GPATCH2: variants seen among roughly 807,000 people sequenced by gnomAD.
GPATCH2 encodes G patch domain-containing protein 2.
A neutral mutation model predicts 58.0 loss-of-function variants in GPATCH2; 51 were observed. That is an observed-to-expected ratio of 0.88 (90% CI 0.70 to 1.11). The LOEUF is 1.11. GPATCH2 is among the 50% of genes most tolerant of loss of function. The pLI is 0.00. For synonymous variants in GPATCH2, 222 were observed against 218.5 expected (o/e 1.02, Z -0.14); for missense variants, 625 against 652.2 (o/e 0.96, Z 0.45).
At chr1:217,614,786 A>T (rs1041840118) in intron 2 of GPATCH2, among the ~76,000 whole-genome samples, 3 of 152,042 alleles carry the variant, frequency 2.0e-5, no homozygotes, top group Admixed American at 6.6e-5. Flanking sequence ...AAAAAAAAAA[A>T]AAAATAATAT....
chr1:217,454,770 A>C (rs1571729542), intron 8 of GPATCH2, among the ~76,000 whole-genome samples: 1 of 144,768 alleles, frequency 6.9e-6, no homozygotes. Flanking sequence ...GGTAGCTGGG[A>C]CTACAGGTGC....
chr1:217,486,421 G>A (rs975634155), intron 8 of GPATCH2, among the ~76,000 whole-genome samples: 1 of 152,030 alleles, frequency 6.6e-6, no homozygotes, highest in Non-Finnish European at 1.5e-5. Context: ...TGTTTTTTGA[G>A]ACAGGGTCTT....
intron 5 of GPATCH2, among the ~76,000 whole-genome samples, chr1:217,595,219 T>C (rs1196340415): frequency 2.6e-5 from 4 of 152,202 alleles, no homozygotes; most frequent in Non-Finnish European, 5.9e-5. Context: ...ATTAAATTAT[T>C]TATTTCAATA....
intron 5 of GPATCH2, among the ~76,000 whole-genome samples, chr1:217,522,752 T>A (rs1339203032): frequency 2.0e-5 from 3 of 149,190 alleles, no homozygotes; most frequent in Non-Finnish European, 4.4e-5. Context: ...ATAATCTAAA[T>A]GTGGATTTTC....
chr1:217,572,200 A>G (rs1213465513), intron 5 of GPATCH2, among the ~76,000 whole-genome samples: 4 of 152,162 alleles, frequency 2.6e-5, no homozygotes, highest in African/African-American at 7.2e-5. Context: ...GAGAGGATAC[A>G]TTGATAGCTA....
chr1:217,490,275 T>C (rs1661656135), intron 8 of GPATCH2, among the ~76,000 whole-genome samples: 1 of 152,184 alleles, frequency 6.6e-6, no homozygotes, highest in African/African-American at 2.4e-5. Flanking sequence ...TAATTTGCCT[T>C]TTCTCTTGAT....
At chr1:217,592,108 C>T (rs1470440915) in intron 5 of GPATCH2, among the ~76,000 whole-genome samples, 1 of 152,038 alleles carries the variant, frequency 6.6e-6, no homozygotes, top group East Asian at 1.9e-4. Flanking sequence ...GAAAATGTAT[C>T]TTTTCCTTGC....
At position 217,554,280 on chromosome 1, in the gene GPATCH2, T is replaced by C. The variant is rs78805372; in HGVS notation, c.1099-39391A>G. Among the ~76,000 whole-genome samples, 25 of 152,306 alleles carry C rather than the reference T, an allele frequency of 1.6e-4. No homozygotes were observed. In the South Asian group the frequency reaches 2.3e-3, roughly 14 times the overall value. ...TTCAAGATAGTGGCCAAAGCTATAATTGCCACCTCCACCTGCTTCTGGAAA... is the reference window on the plus strand; with the variant it reads ...TTCAAGATAGTGGCCAAAGCTATAACTGCCACCTCCACCTGCTTCTGGAAA... On this transcript the variant is annotated intron_variant, in intron 5 of 9. Coordinates refer to ENST00000366935, the MANE Select transcript of GPATCH2 (RefSeq NM_018040.5).
At chr1:217,554,119 A>G (rs146243536) in intron 5 of GPATCH2, among the ~76,000 whole-genome samples, 3 of 152,364 alleles carry the variant, frequency 2.0e-5, no homozygotes, top group Non-Finnish European at 4.4e-5. Context: ...AGGCTACAGT[A>G]AAGTGGGTGA....
chr1:217,556,048 G>A (rs1370414449), intron 5 of GPATCH2, among the ~76,000 whole-genome samples: 4 of 151,990 alleles, frequency 2.6e-5, no homozygotes, highest in Non-Finnish European at 4.4e-5. Flanking sequence ...TGTAATGAAT[G>A]GAATTACATC....
intron 5 of GPATCH2, among the ~76,000 whole-genome samples, chr1:217,571,598 T>A (rs764858739): frequency 1.1e-4 from 11 of 100,072 alleles, no homozygotes; most frequent in Admixed American, 3.1e-4. Context: ...AGAAATTAGG[T>A]GATCTACACT....
At chr1:217,535,921 G>T (rs1054932814) in intron 5 of GPATCH2, among the ~76,000 whole-genome samples, 1 of 152,058 alleles carries the variant, frequency 6.6e-6, no homozygotes, top group African/African-American at 2.4e-5. Context: ...TTTTAACTTT[G>T]CCCATCCCTT....
At chr1:217,532,964 T>C (rs1231711398) in intron 5 of GPATCH2, among the ~76,000 whole-genome samples, 1 of 144,688 alleles carries the variant, frequency 6.9e-6, no homozygotes, top group East Asian at 2.2e-4. Flanking sequence ...AGTGGTGCCA[T>C]CATAGCTCAC....
intron 9 of GPATCH2, among the ~76,000 whole-genome samples, chr1:217,443,756 C>T (rs1029155258): frequency 5.3e-5 from 8 of 152,236 alleles, no homozygotes; most frequent in African/African-American, 1.2e-4. Context: ...CTTCAGATCT[C>T]GCCTAAAATT....
At chr1:217,536,722 C>T (rs748243104) in intron 5 of GPATCH2, among the ~76,000 whole-genome samples, 1 of 152,116 alleles carries the variant, frequency 6.6e-6, no homozygotes, top group African/African-American at 2.4e-5. Context: ...TGCCCGTAAT[C>T]CCAACACTTT....
intron 1 of GPATCH2, among the ~76,000 whole-genome samples, chr1:217,629,005 A>G (rs1223432681): frequency 6.6e-6 from 1 of 152,102 alleles, no homozygotes; most frequent in Non-Finnish European, 1.5e-5. Context: ...CTTCTGTGTC[A>G]CCTTATCTAA....
chr1:217,557,057 C>G (rs868028771), intron 5 of GPATCH2, among the ~76,000 whole-genome samples: 5 of 152,190 alleles, frequency 3.3e-5, no homozygotes, highest in African/African-American at 1.2e-4. Context: ...GAAAAAGCCA[C>G]TCCCAGTCTG....
At chr1:217,462,555 T>A (rs560113155) in intron 8 of GPATCH2, among the ~76,000 whole-genome samples, 1 of 152,230 alleles carries the variant, frequency 6.6e-6, no homozygotes, top group Non-Finnish European at 1.5e-5. Context: ...CCATTTGACC[T>A]GAGAAAGCTA....
At chr1:217,607,921 C>T (rs1050900997) in intron 5 of GPATCH2, among the ~76,000 whole-genome samples, 37 of 152,252 alleles carry the variant, frequency 2.4e-4, no homozygotes, top group South Asian at 8.3e-4. Context: ...TAATGGGTTG[C>T]AGCTCCATGT....
Sources: allele counts gnomAD v4.1 joint callset (sites outside exome capture counted in the v4.1 genomes callset), GRCh38; gene constraint gnomAD v4.1.1; transcripts MANE v1.5; gene names NCBI Gene and HGNC (gene_info 2026-07-23, HGNC 2026-07-21).